PLCH1: variants seen among roughly 807,000 people sequenced by gnomAD.
PLCH1 encodes the protein phospholipase C eta 1, also known as 1-phosphatidylinositol 4,5-bisphosphate phosphodiesterase eta-1.
In PLCH1, 60 loss-of-function variants were observed where a neutral mutation model predicts 126.7. The ratio of observed to expected loss-of-function variants is 0.47; its 90% confidence interval spans 0.38 to 0.59. PLCH1 has a LOEUF of 0.59. PLCH1 is among the 20% of genes least tolerant of loss of function. The pLI is 0.00. For synonymous variants in PLCH1, 719 were observed against 734.9 expected (o/e 0.98, Z 0.35); for missense variants, 1,723 against 2,040.0 (o/e 0.84, Z 2.99).
At chr3:155,654,087 T>C (rs1179237095) in intron 2 of PLCH1, among the ~76,000 whole-genome samples, 1 of 150,696 alleles carries the variant, frequency 6.6e-6, no homozygotes, top group African/African-American at 2.4e-5. Flanking sequence ...CCAAATCCAA[T>C]GGTCATTTCT....
At chr3:155,738,658 G>A (rs961218836) in intron 1 of PLCH1, among the ~76,000 whole-genome samples, 11 of 151,918 alleles carry the variant, frequency 7.2e-5, no homozygotes, top group Non-Finnish European at 1.6e-4. Context: ...GTGCTGGCGG[G>A]TGCCTATAAT....
chr3:155,512,198 C>T (rs1719672111), intron 12 of PLCH1, among the ~76,000 whole-genome samples: 1 of 152,110 alleles, frequency 6.6e-6, no homozygotes, highest in Admixed American at 6.5e-5. Flanking sequence ...CAATGCCTCG[C>T]CCTCCCATTC....
chr3:155,743,461 G>A (rs1749765309), intron 1 of PLCH1: 1 of 416,910 alleles, frequency 2.4e-6, no homozygotes. Flanking sequence ...GAACCCAGGA[G>A]GCGGAGGTTG....
chr3:155,727,264 G>A (rs1748405530), intron 1 of PLCH1, among the ~76,000 whole-genome samples: 1 of 151,776 alleles, frequency 6.6e-6, no homozygotes, highest in Non-Finnish European at 1.5e-5. Flanking sequence ...TTACAGACAT[G>A]CTCATTTGCC....
At chr3:155,698,882 C>A (rs1746034876) in intron 2 of PLCH1, among the ~76,000 whole-genome samples, 1 of 151,776 alleles carries the variant, frequency 6.6e-6, no homozygotes, top group Non-Finnish European at 1.5e-5. Flanking sequence ...TGGGTGGGGC[C>A]AATAAAAGAA....
chr3:155,490,200 T>G (rs977804673), intron 19 of PLCH1, among the ~76,000 whole-genome samples: 1 of 152,192 alleles, frequency 6.6e-6, no homozygotes, highest in Non-Finnish European at 1.5e-5. Context: ...CAATAATGTT[T>G]GTGAAATGTA....
chr3:155,597,214 A>G (rs1360591439), intron 2 of PLCH1, among the ~76,000 whole-genome samples: 4 of 152,172 alleles, frequency 2.6e-5, no homozygotes, highest in Non-Finnish European at 5.9e-5. Flanking sequence ...GAGTAGACAC[A>G]CCTGACTTAA....
chr3:155,564,298 C>T lies in PLCH1; in HGVS notation c.1069+617G>A, dbSNP rs1230756849. Among the ~76,000 whole-genome samples, 3 of 152,246 alleles carry T rather than the reference C, an allele frequency of 2.0e-5. No individual in the cohort carries two copies. The East Asian group carries it at 5.8e-4, about 29-fold the overall frequency. Reference sequence around the variant, plus strand: ...CAAAGAGCTTGGCCAGGCGCGGGGGCTCACACCTGTAATCCCAGCACTTCG... The same window carrying T: ...CAAAGAGCTTGGCCAGGCGCGGGGGTTCACACCTGTAATCCCAGCACTTCG... On this transcript the variant is annotated intron_variant, in intron 8 of 22. Coordinates refer to ENST00000460012, the MANE Select transcript of PLCH1 (RefSeq NM_014996.4).
Position 155,653,215 on chromosome 3 carries a change from C to T in PLCH1, c.79+50931G>A, listed in dbSNP as rs114377491. On this transcript the variant is annotated intron_variant, in intron 2 of 22. Transcript: ENST00000460012. ...TATATAGATATAGATGATGCAGTCT[C>T]ACTGTGTTGCCCAGGCTGGTCTCAA... is the stretch of plus-strand genomic sequence containing the variant. Among the ~76,000 whole-genome samples the T allele has an allele frequency of 1.6e-3, 242 of 152,086 alleles. 2 individuals carry two copies. The highest frequency in any genetic ancestry group is 5.6e-3 in the African/African-American group (232 of 41,466).
rs776599269 is a variant in PLCH1, at chr3:155,458,498, G to GAAAGAAAGAAAGAAAGAAAGAA, written c.2938+26857_2938+26858insTTCTTTCTTTCTTTCTTTCTTT. On this transcript the variant is annotated intron_variant, in intron 21 of 21. Coordinates refer to the PLCH1 transcript ENST00000494598. ...AGAAAGAAAGAAAGAAAGAAAGAAA[G>GAAAGAAAGAAAGAAAGAAAGAA]AGAAAGAAGAGAGAGAAATAAGAAA... 1.7e-4 allele frequency among the ~76,000 whole-genome samples: 12 copies of GAAAGAAAGAAAGAAAGAAAGAA among 69,778 alleles called. 2 individuals are homozygous for GAAAGAAAGAAAGAAAGAAAGAA. In the African/African-American group the frequency reaches 1.7e-3, roughly 10 times the overall value. 45.8% of individuals were successfully genotyped at this position (69,778 alleles called of 152,430 possible).
At chr3:155,682,093 G>A (rs1007629144) in intron 2 of PLCH1, among the ~76,000 whole-genome samples, 9 of 152,148 alleles carry the variant, frequency 5.9e-5, no homozygotes, top group Non-Finnish European at 1.2e-4. Context: ...CTAACTGAAG[G>A]GTTAGACTTT....
At chr3:155,629,672 C>A (rs950970299) in intron 2 of PLCH1, among the ~76,000 whole-genome samples, 9 of 152,124 alleles carry the variant, frequency 5.9e-5, no homozygotes, top group African/African-American at 1.9e-4. Context: ...AATGTCACAG[C>A]CAATATGGTA....
At position 155,482,392 on chromosome 3, in the gene PLCH1, T is replaced by A. The variant is rs1276809042; in HGVS notation, c.3634A>T (p.Thr1212Ser). 3.1e-6 allele frequency: 5 copies of A among 1,614,074 alleles called. No homozygotes were observed. The highest frequency in any genetic ancestry group is 4.2e-6 in the Non-Finnish European group (5 of 1,179,978). Residue 1212 changes from threonine (T) to serine (S), a missense_variant, in exon 23 of 23, where the codon ACC becomes TCC. Physicochemically the swap from Thr to Ser is moderately conservative, Grantham distance 58. Around this residue, in one of 2 missense-constraint regions of PLCH1, gnomAD observed 947 missense variants for 977.1 expected, o/e 0.97. Transcript: ENST00000460012. The stretch of plus-strand genomic sequence containing the variant: ...GGACAATGGCCTGACATCACACTGG[T>A]ATTATGAAGATGAGAAACAACTGTG... ...ALTVVSHLHN[T>S]SVMSGHCPLP...
At chr3:155,589,069 C>T (rs1373554437) in intron 4 of PLCH1, among the ~76,000 whole-genome samples, 4 of 152,090 alleles carry the variant, frequency 2.6e-5, no homozygotes, top group African/African-American at 9.7e-5. Context: ...AAAAGAGAAA[C>T]AGTCATTCCT....
chr3:155,692,935 G>A (rs1294854072), intron 2 of PLCH1, among the ~76,000 whole-genome samples: 1 of 151,914 alleles, frequency 6.6e-6, no homozygotes, highest in Non-Finnish European at 1.5e-5. Context: ...GGCGCACGCT[G>A]CCACGCCCGG....
rs982337567 is a variant in PLCH1 at position 155,676,464 on chromosome 3, C to T, written c.79+27682G>A. The T allele has an allele frequency of 6.7e-6, 6 of 895,106 alleles. No individual in the cohort carries two copies. In the African/African-American group the frequency reaches 7.2e-5, roughly 11 times the overall value. 55.4% of individuals were successfully genotyped at this position (895,106 alleles called of 1,614,324 possible). A position where few individuals can be genotyped will look rare whatever the true frequency, so the allele number is the denominator to read the frequency against. On this transcript the variant is annotated intron_variant, in intron 2 of 22. Transcript: ENST00000460012. ...GTAGGTCTTTATCCATCAAAGAAAC[C>T]CTCCTCACCTTCAGAGGTCATTGAG...
intron 9 of PLCH1, among the ~76,000 whole-genome samples, chr3:155,552,284 CA>C (rs2108460310): frequency 6.6e-6 from 1 of 152,158 alleles, no homozygotes; most frequent in African/African-American, 2.4e-5. Flanking sequence ...AAAATGAATA[CA>C]AAATAATAAG....
chr3:155,657,441 C>T (rs1211222326), intron 2 of PLCH1, among the ~76,000 whole-genome samples: 1 of 152,108 alleles, frequency 6.6e-6, no homozygotes, highest in African/African-American at 2.4e-5. Flanking sequence ...AAACAGCTGC[C>T]TAGAGAAGAG....
intron 11 of PLCH1, among the ~76,000 whole-genome samples, chr3:155,522,790 T>C (rs1721284075): frequency 6.6e-6 from 1 of 151,940 alleles, no homozygotes; most frequent in Non-Finnish European, 1.5e-5. Context: ...AATAAAATTC[T>C]ATACCAAACT....
Sources: allele counts gnomAD v4.1 joint callset (sites outside exome capture counted in the v4.1 genomes callset), GRCh38; gene constraint gnomAD v4.1.1; regional missense constraint gnomAD v4.1.1; transcripts MANE v1.5; gene names NCBI Gene and HGNC (gene_info 2026-07-23, HGNC 2026-07-21).